DOCK2: variants seen among roughly 807,000 people sequenced by gnomAD.
The protein encoded by DOCK2 is dedicator of cytokinesis 2, also known as dedicator of cytokinesis protein 2.
In DOCK2, 87 loss-of-function variants were observed where a neutral mutation model predicts 248.9. That is an observed-to-expected ratio of 0.35 (90% CI 0.29 to 0.42). The LOEUF is 0.42. Ranked by LOEUF, DOCK2 falls within the 10% of genes least tolerant of loss-of-function variation. The pLI is 1.00. For synonymous variants in DOCK2, 805 were observed against 821.6 expected (o/e 0.98, Z 0.35); for missense variants, 1,747 against 2,300.2 (o/e 0.76, Z 4.92).
intron 26 of DOCK2, among the ~76,000 whole-genome samples, chr5:169,817,420 C>A (rs1003293708): frequency 6.6e-6 from 1 of 152,188 alleles, no homozygotes; most frequent in African/African-American, 2.4e-5. Flanking sequence ...CTTTGGGATG[C>A]AAAGGTGTTG....
In DOCK2 at chr5:170,046,027, C is replaced by T. The variant is rs6884929; in HGVS notation, c.3966+122C>T. ...CGGGGTTAGGGAAATAGAAAATGAA[C>T]GGAAGTAGGACCTGAGAGAGGCTGT... On this transcript the variant is annotated intron_variant, in intron 39 of 51. Transcript: ENST00000520908. 810 of 855,484 alleles carry T rather than the reference C, an allele frequency of 9.5e-4. 4 individuals are homozygous for T. The African/African-American group carries it at 9.8e-3, about 10-fold the overall frequency. 53.0% of individuals were successfully genotyped at this position (855,484 alleles called of 1,614,324 possible). A position where few individuals can be genotyped will look rare whatever the true frequency, so the allele number is the denominator to read the frequency against.
At chr5:169,779,688 C>T (rs1432602909) in intron 25 of DOCK2, among the ~76,000 whole-genome samples, 1 of 152,184 alleles carries the variant, frequency 6.6e-6, no homozygotes, top group Non-Finnish European at 1.5e-5. Flanking sequence ...CTCATTTGTT[C>T]TGTCCCCACC....
At chr5:169,866,976 C>G (rs975668942) in intron 27 of DOCK2, among the ~76,000 whole-genome samples, 1 of 152,224 alleles carries the variant, frequency 6.6e-6, no homozygotes, top group African/African-American at 2.4e-5. Context: ...GACTTCCCCC[C>G]ACTTACAAGT....
intron 1 of DOCK2, among the ~76,000 whole-genome samples, chr5:169,642,593 A>G (rs886641611): frequency 6.6e-6 from 1 of 152,160 alleles, no homozygotes; most frequent in Non-Finnish European, 1.5e-5. Context: ...TAGTCTGGTG[A>G]AACAAAAATA....
Position 169,950,984 on chromosome 5 carries a change from A to G in DOCK2, c.2800-32084A>G, listed in dbSNP as rs867846841. ...AGACTATATAAAATTGGGCGGTTGA[A>G]TGTAAACATTTAGATTTCCAGCTGC... On this transcript the variant is annotated intron_variant, in intron 27 of 51. Transcript: ENST00000520908. Among the ~76,000 whole-genome samples the G allele has an allele frequency of 3.3e-5, 5 of 152,344 alleles. No individual in the cohort carries two copies. The Middle Eastern group carries it at 0.01, about 311-fold the overall frequency.
At chr5:169,858,357 G>C (rs988197901) in intron 27 of DOCK2, among the ~76,000 whole-genome samples, 2 of 152,172 alleles carry the variant, frequency 1.3e-5, no homozygotes, top group African/African-American at 4.8e-5. Context: ...GGTAGCCATG[G>C]GAGGCATGAC....
chr5:169,853,458 T>C (rs1770718017), intron 27 of DOCK2, among the ~76,000 whole-genome samples: 1 of 152,252 alleles, frequency 6.6e-6, no homozygotes, highest in African/African-American at 2.4e-5. Flanking sequence ...TCCAGATTTA[T>C]GTTACATTCA....
chr5:170,026,193 G>C (rs1755908504), intron 33 of DOCK2, among the ~76,000 whole-genome samples: 1 of 152,098 alleles, frequency 6.6e-6, no homozygotes, highest in Non-Finnish European at 1.5e-5. Flanking sequence ...AGCAAATGTG[G>C]TCCCTGCCTT....
chr5:169,762,924 G>GT (rs1335677771), intron 25 of DOCK2, among the ~76,000 whole-genome samples: 1 of 152,212 alleles, frequency 6.6e-6, no homozygotes, highest in African/African-American at 2.4e-5. Flanking sequence ...CCACTTCACT[G>GT]TAAAGATGTT....
At chr5:170,077,915 G>A (rs914909909) in intron 48 of DOCK2, 78 bp downstream of exon 48, 6 of 1,201,446 alleles carry the variant, frequency 5.0e-6, no homozygotes, top group African/African-American at 1.5e-5. Flanking sequence ...TCTCTTCTCC[G>A]GCAACATCCC....
At chr5:169,794,906 G>A (rs1306505175) in intron 25 of DOCK2, among the ~76,000 whole-genome samples, 2 of 152,194 alleles carry the variant, frequency 1.3e-5, no homozygotes, top group Non-Finnish European at 2.9e-5. Context: ...CTGGGTGACA[G>A]TGCGAGACTC....
chr5:169,979,960 G>A (rs900792339), intron 27 of DOCK2, among the ~76,000 whole-genome samples: 8 of 152,268 alleles, frequency 5.3e-5, no homozygotes, highest in Middle Eastern at 6.8e-3. Flanking sequence ...CAAGGCTTAA[G>A]ACAATTCATC....
At chr5:169,929,741 CAAAAAAAAAAAAA>C (rs1211612989) in intron 27 of DOCK2, among the ~76,000 whole-genome samples, 2 of 62,960 alleles carry the variant, frequency 3.2e-5, no homozygotes, top group Non-Finnish European at 6.7e-5. Flanking sequence ...GACCCTGTCT[CAAAAAAAAAAAAA>C]AAAAAAAAGA....
intron 25 of DOCK2, among the ~76,000 whole-genome samples, chr5:169,772,059 C>T (rs115181498): frequency 6.6e-6 from 1 of 152,180 alleles, no homozygotes; most frequent in Non-Finnish European, 1.5e-5. Context: ...CTCTTTCCTA[C>T]AGGCTGTGGG....
At chr5:169,700,338 A>G (rs1163044123) in intron 13 of DOCK2, among the ~76,000 whole-genome samples, 199 bp downstream of exon 13, 1 of 152,220 alleles carries the variant, frequency 6.6e-6, no homozygotes, top group East Asian at 1.9e-4. Context: ...AAGCATGTAA[A>G]TATAAACACA....
At chr5:169,933,685 A>G (rs748680786) in intron 27 of DOCK2, among the ~76,000 whole-genome samples, 2 of 152,158 alleles carry the variant, frequency 1.3e-5, no homozygotes, top group South Asian at 4.1e-4. Context: ...CCGCACTAAG[A>G]GAGTACCTGT....
intron 2 of DOCK2, among the ~76,000 whole-genome samples, chr5:169,656,481 GC>G (rs1758127046): frequency 6.6e-6 from 1 of 152,056 alleles, no homozygotes; most frequent in Non-Finnish European, 1.5e-5. Flanking sequence ...GTGCCACCAC[GC>G]CTGTATTTTC....
At chr5:169,940,541 T>C (rs1424092233) in intron 27 of DOCK2, among the ~76,000 whole-genome samples, 1 of 152,198 alleles carries the variant, frequency 6.6e-6, no homozygotes, top group Admixed American at 6.5e-5. Flanking sequence ...GTAGAATCAA[T>C]GGGAACCCTG....
chr5:170,056,462 G>A (rs1345852689), intron 42 of DOCK2: 1 of 498,342 alleles, frequency 2.0e-6, no homozygotes, highest in South Asian at 3.0e-5. Context: ...TCTCAAAGGG[G>A]CACAAGACCA....
Sources: allele counts gnomAD v4.1 joint callset (sites outside exome capture counted in the v4.1 genomes callset), GRCh38; gene constraint gnomAD v4.1.1; transcripts MANE v1.5; gene names NCBI Gene and HGNC (gene_info 2026-07-23, HGNC 2026-07-21).